PDE1C: variants seen among roughly 807,000 people sequenced by gnomAD.
PDE1C encodes the protein dual specificity calcium/calmodulin-dependent 3',5'-cyclic nucleotide phosphodiesterase 1C.
A neutral mutation model predicts 93.1 loss-of-function variants in PDE1C; 62 were observed. The ratio of observed to expected loss-of-function variants is 0.67; its 90% CI spans 0.54 to 0.82. The LOEUF is 0.82. PDE1C is among the 40% of genes least tolerant of loss of function. The probability of loss-of-function intolerance (pLI) is 0.00; values close to 1 mark genes in which losing one functional copy is unlikely to be tolerated. For synonymous variants in PDE1C, 325 were observed against 310.1 expected (o/e 1.05, Z -0.50); for missense variants, 742 against 884.6 (o/e 0.84, Z 2.04).
chr7:32,313,520 T>C (rs1783101056), intron 1 of PDE1C, among the ~76,000 whole-genome samples: 1 of 151,838 alleles, frequency 6.6e-6, no homozygotes, highest in Non-Finnish European at 1.5e-5. Flanking sequence ...CCAACAACGA[T>C]AGACTGGATT....
At chr7:32,151,527 T>C (rs1801257215) in intron 3 of PDE1C, among the ~76,000 whole-genome samples, 1 of 152,216 alleles carries the variant, frequency 6.6e-6, no homozygotes, top group Admixed American at 6.5e-5. Context: ...AAATAAATCA[T>C]GGTATATCCA....
chr7:31,845,576 T>C (rs1792462472), intron 9 of PDE1C, among the ~76,000 whole-genome samples: 1 of 152,012 alleles, frequency 6.6e-6, no homozygotes, highest in Non-Finnish European at 1.5e-5. Flanking sequence ...ATACCTAATG[T>C]AGACGATGGG....
chr7:31,980,654 A>G lies in PDE1C; in HGVS notation c.128+70900T>C, dbSNP rs1251158525. 2.6e-5 allele frequency among the ~76,000 whole-genome samples: 4 copies of G among 152,322 alleles called. No individual in the cohort carries two copies. The East Asian group carries it at 7.7e-4, about 29-fold the overall frequency. ...ATACCACACCTTAGTGGCTTAAAAC[A>G]ACACAAATTTCTTCTCTTAGTTCTG... is the stretch of plus-strand genomic sequence containing the variant. On this transcript the variant is annotated intron_variant, in intron 2 of 17. Transcript: ENST00000396191.
intron 1 of PDE1C, among the ~76,000 whole-genome samples, chr7:32,234,745 A>T (rs1277782542): frequency 6.6e-6 from 1 of 152,026 alleles, no homozygotes. Flanking sequence ...ACAGAAGAGA[A>T]GGGAGACTCT....
chr7:32,427,546 G>C (rs964134878), intron 1 of PDE1C, among the ~76,000 whole-genome samples: 13 of 152,258 alleles, frequency 8.5e-5, no homozygotes, highest in South Asian at 2.1e-4. Flanking sequence ...AACAAGAAAG[G>C]CTTCTCCCCA....
At chr7:32,113,493 C>A (rs1798800994) in intron 3 of PDE1C, among the ~76,000 whole-genome samples, 1 of 150,802 alleles carries the variant, frequency 6.6e-6, no homozygotes, top group Non-Finnish European at 1.5e-5. Context: ...AAATAACTGT[C>A]CTTTTATTTC....
intron 3 of PDE1C, among the ~76,000 whole-genome samples, chr7:32,133,869 T>C (rs536729118): frequency 6.6e-6 from 1 of 152,124 alleles, no homozygotes; most frequent in Admixed American, 6.5e-5. Context: ...ACCGTGCTTA[T>C]GGAAATAAAG....
At chr7:32,262,409 C>T (rs1426024288) in intron 1 of PDE1C, among the ~76,000 whole-genome samples, 4 of 152,120 alleles carry the variant, frequency 2.6e-5, no homozygotes, top group African/African-American at 9.7e-5. Context: ...ACGTAGCCCC[C>T]AGAGAGCAAG....
chr7:32,236,042 A>G (rs1278215845), intron 1 of PDE1C, among the ~76,000 whole-genome samples: 1 of 152,148 alleles, frequency 6.6e-6, no homozygotes, highest in Non-Finnish European at 1.5e-5. Context: ...ATGGAGGAAG[A>G]ATAGTCTGTC....
At chr7:31,771,527 C>T (rs544026315) in intron 17 of PDE1C, among the ~76,000 whole-genome samples, 27 of 152,276 alleles carry the variant, frequency 1.8e-4, no homozygotes, top group African/African-American at 6.5e-4. Context: ...GGAGAAATGT[C>T]TATTCCAGTC....
At chr7:31,966,351 A>G (rs1809959373) in intron 2 of PDE1C, among the ~76,000 whole-genome samples, 1 of 152,224 alleles carries the variant, frequency 6.6e-6, no homozygotes, top group Admixed American at 6.5e-5. Flanking sequence ...AAAGATCAAA[A>G]GAGACAAAGA....
intron 1 of PDE1C, among the ~76,000 whole-genome samples, chr7:32,269,966 G>A (rs967186853): frequency 5.9e-5 from 9 of 151,722 alleles, no homozygotes; most frequent in Admixed American, 2.0e-4. Flanking sequence ...TGTAGAGATG[G>A]GGTCTTGCTA....
chr7:31,741,838 G>A, the PDE1C span, among the ~76,000 whole-genome samples: 2 of 152,184 alleles, frequency 1.3e-5, no homozygotes. Flanking sequence ...GAAGATACTG[G>A]GGAGGGAGGC....
At chr7:31,782,941 T>C (rs561851330) in intron 16 of PDE1C, among the ~76,000 whole-genome samples, 1 of 152,360 alleles carries the variant, frequency 6.6e-6, no homozygotes, top group South Asian at 2.1e-4. Flanking sequence ...GCCTAAGCTA[T>C]GATTCAAACA....
intron 3 of PDE1C, among the ~76,000 whole-genome samples, chr7:32,150,985 A>C: frequency 6.6e-6 from 1 of 152,166 alleles, no homozygotes; most frequent in East Asian, 1.9e-4. Context: ...TCCCCATTCA[A>C]ACCTAGGTCT....
At chr7:31,629,282 A>G in the PDE1C span, among the ~76,000 whole-genome samples, 14 of 19,994 alleles carry the variant, frequency 7.0e-4, no homozygotes, top group Middle Eastern at 0.023. Flanking sequence ...TTTAAACAAC[A>G]CAATCTTTAT....
chr7:32,290,005 A>G (rs985040390), intron 1 of PDE1C, among the ~76,000 whole-genome samples: 28 of 152,344 alleles, frequency 1.8e-4, no homozygotes, highest in Admixed American at 1.5e-3. Context: ...CTTGTCCAGA[A>G]GACACTGCCT....
chr7:32,061,575 T>G (rs1318632588), intron 1 of PDE1C, among the ~76,000 whole-genome samples: 1 of 152,242 alleles, frequency 6.6e-6, no homozygotes. Flanking sequence ...GGCTCCAGGC[T>G]TCAGGTCTCA....
At chr7:31,783,682 C>G (rs1783630191) in intron 16 of PDE1C, 1 of 151,954 alleles carries the variant, frequency 6.6e-6, no homozygotes, top group South Asian at 2.1e-4. Flanking sequence ...TTTCTGAGAA[C>G]AGCTCAGTAT....
Sources: gnomAD v4.1 joint callset for allele counts (sites outside exome capture counted in the v4.1 genomes callset) on GRCh38, gnomAD v4.1.1 for gene constraint, MANE v1.5 for transcripts, NCBI Gene and HGNC (gene_info 2026-07-23, HGNC 2026-07-21) for gene names.